LRP2: variants seen among roughly 807,000 people sequenced by gnomAD.
The protein encoded by LRP2 is LDL receptor related protein 2, also known as low-density lipoprotein receptor-related protein 2.
A neutral mutation model predicts 531.0 loss-of-function variants in LRP2; 172 were observed. The ratio of observed to expected loss-of-function variants is 0.32; its 90% CI spans 0.29 to 0.37. LRP2 has a LOEUF of 0.37. LRP2 is among the 10% of genes least tolerant of loss of function. The probability of loss-of-function intolerance (pLI) is 1.00; values close to 1 mark genes in which losing one functional copy is unlikely to be tolerated. For synonymous variants in LRP2, 1,992 were observed against 2,027.6 expected, an observed-to-expected ratio of 0.98 and a Z score of 0.47; for missense variants, 5,167 against 5,868.3, an observed-to-expected ratio of 0.88 and a Z score of 3.90.
At chr2:169,258,064 T>C (rs1247825858) in intron 17 of LRP2, among the ~76,000 whole-genome samples, 4 of 152,154 alleles carry the variant, frequency 2.6e-5, no homozygotes. Flanking sequence ...TAACTCTCTA[T>C]AGGGCAATGA....
In LRP2 at chr2:169,202,839, T is replaced by C. The variant is rs1325176910; in HGVS notation, c.8126A>G (p.Asn2709Ser). 13 of 1,607,392 alleles carry C rather than the reference T, an allele frequency of 8.1e-6. No individual in the cohort carries two copies. The highest frequency in any genetic ancestry group is 2.3e-5 in the East Asian group (1 of 44,172). The change falls in exon 43 of 79, where the codon AAT (asparagine) becomes AGT (serine). Residue 2709 changes from asparagine (N) to serine (S), a missense_variant. Around this residue, in one of 6 missense-constraint regions of LRP2, gnomAD observed 1,129 missense variants for 1,362.7 expected, o/e 0.83. Coordinates refer to ENST00000649046, the MANE Select transcript of LRP2 (RefSeq NM_004525.3). ...RCGASSFTCS[N>S]GRCISEEWKC... The stretch of plus-strand genomic sequence containing the variant: ...CCACTCTTCCGAGATGCAGCGCCCA[T>C]TGGAGCAGGTGAAGGAAGATGCACC...
chr2:169,170,436 C>G, intron 59 of LRP2, 115 bp downstream of exon 59: 1 of 810,734 alleles, frequency 1.2e-6, no homozygotes, highest in South Asian at 1.3e-5. Context: ...CTAAGGTTTA[C>G]ATATTACACA....
intron 3 of LRP2, among the ~76,000 whole-genome samples, chr2:169,315,568 G>GT (rs913420068): frequency 1.3e-5 from 2 of 152,234 alleles, no homozygotes; most frequent in Non-Finnish European, 2.9e-5. Context: ...AAGCACTGCT[G>GT]TGCCCAAGTG....
rs1437978350 is a variant in LRP2, at chr2:169,280,539, G to T, written c.1172-20C>A. ...CGCCAACTAAATGCGAAGAAGGAAG[G>T]CATCACCACTCCTTCAGATGAGCAA... On this transcript the variant is annotated intron_variant, in intron 10 of 78. Coordinates refer to ENST00000649046, the MANE Select transcript of LRP2 (RefSeq NM_004525.3). The T allele has an allele frequency of 6.2e-7, 1 of 1,612,844 alleles. No individual in the cohort carries two copies. The highest frequency in any genetic ancestry group is 1.3e-5 in the African/African-American group (1 of 75,040).
intron 38 of LRP2, among the ~76,000 whole-genome samples, chr2:169,207,923 T>C (rs1240326732): frequency 6.6e-6 from 1 of 152,256 alleles, no homozygotes; most frequent in East Asian, 1.9e-4. Context: ...TGTTGAACTA[T>C]CAATGCTACT....
At chr2:169,302,926 A>G (rs1684321385) in intron 4 of LRP2, among the ~76,000 whole-genome samples, 1 of 152,172 alleles carries the variant, frequency 6.6e-6, no homozygotes, top group South Asian at 2.1e-4. Flanking sequence ...AAACTGACTC[A>G]ATATCTGATT....
intron 64 of LRP2, among the ~76,000 whole-genome samples, 164 bp downstream of exon 64, chr2:169,157,207 T>A (rs916807982): frequency 6.6e-6 from 1 of 151,888 alleles, no homozygotes; most frequent in African/African-American, 2.4e-5. Flanking sequence ...TGCATGCAGG[T>A]GGGGGAAAGC....
At position 169,137,519 on chromosome 2, in the gene LRP2, GAGAGAGAGAGAGAGAAAC is replaced by G. The variant is rs781463940; in HGVS notation, c.13519-44_13519-27del. Reference sequence around the variant, plus strand: ...CTGATGGCAGAGACAGAAAGAGAGAGAGAGAGAGAGAGAGAAACAGAGAGAGAGATTACACCATACTAA... The same window carrying G: ...CTGATGGCAGAGACAGAAAGAGAGAGAGAGAGAGAGATTACACCATACTAA... On this transcript the variant is annotated intron_variant, in intron 75 of 78. Transcript: ENST00000649046. The G allele has an allele frequency of 5.7e-5, 74 of 1,306,432 alleles. No homozygotes were observed. In the African/African-American group the frequency reaches 8.9e-4, roughly 16 times the overall value. 80.9% of individuals were successfully genotyped at this position (1,306,432 alleles called of 1,614,324 possible). A position where few individuals can be genotyped will look rare whatever the true frequency, so the allele number is the denominator to read the frequency against.
intron 27 of LRP2, 98 bp downstream of exon 27, chr2:169,237,993 C>T (rs1574166023): frequency 4.1e-6 from 4 of 983,854 alleles, no homozygotes; most frequent in South Asian, 2.7e-5. Context: ...ATGAGAGCTA[C>T]CCAGATGAGG....
At position 169,177,900 on chromosome 2, in the gene LRP2, C is replaced by T; in HGVS notation, c.10296G>A (p.Lys3432=). The T allele has an allele frequency of 6.2e-7, 1 of 1,614,210 alleles. No homozygotes were observed. Among genetic ancestry groups the T allele is most frequent in the South Asian group, 1.1e-5 (1 of 91,078 alleles). Residue 3432 remains lysine (K), a synonymous_variant, in exon 53 of 79, where the codon AAG becomes AAA. Transcript: ENST00000649046. The part of the protein sequence containing the change: ...WTDWNTRTVE[K]GNKYDGSNRQ... ...TATTTGATCCATCATATTTGTTTCC[C>T]TTTTCCACTGTCCTTGTATTCCAAT...
At chr2:169,156,943 A>C (rs541771882) in intron 64 of LRP2, among the ~76,000 whole-genome samples, 1 of 152,354 alleles carries the variant, frequency 6.6e-6, no homozygotes, top group South Asian at 2.1e-4. Context: ...CATCTTGATA[A>C]GCTACCTTCT....
chr2:169,228,782 G>A (rs990432951), intron 31 of LRP2, among the ~76,000 whole-genome samples: 5 of 152,206 alleles, frequency 3.3e-5, no homozygotes, highest in African/African-American at 1.2e-4. Flanking sequence ...GGCTGAAACT[G>A]TGAGCATCAT....
intron 8 of LRP2, 126 bp from the exon 9 acceptor site, chr2:169,289,271 C>T (rs914646281): frequency 8.0e-7 from 1 of 1,255,858 alleles, no homozygotes; most frequent in Non-Finnish European, 1.1e-6. Flanking sequence ...AAAAATCTGT[C>T]ACCCTTCAAA....
intron 1 of LRP2, among the ~76,000 whole-genome samples, chr2:169,322,454 TGGTTGGTGGTGCAGGTCTGG>T (rs1474613104): frequency 6.6e-6 from 1 of 152,062 alleles, no homozygotes; most frequent in Non-Finnish European, 1.5e-5. Context: ...TGCATGATGG[TGGTTGGTGGTGCAGGTCTGG>T]GGTTGGTGGT....
At chr2:169,299,316 A>G (rs1684230706) in intron 4 of LRP2, among the ~76,000 whole-genome samples, 2 of 152,180 alleles carry the variant, frequency 1.3e-5, no homozygotes, top group African/African-American at 2.4e-5. Flanking sequence ...AAACTAAGTT[A>G]TCTAGTTTTC....
intron 62 of LRP2, among the ~76,000 whole-genome samples, chr2:169,165,210 C>A (rs1686740112): frequency 1.3e-5 from 2 of 152,114 alleles, no homozygotes; most frequent in Non-Finnish European, 2.9e-5. Context: ...CAGATAATGT[C>A]TTTTTGGGGA....
intron 1 of LRP2, among the ~76,000 whole-genome samples, chr2:169,361,771 T>C (rs1229354363): frequency 6.6e-6 from 1 of 152,160 alleles, no homozygotes; most frequent in Non-Finnish European, 1.5e-5. Context: ...CTCCCGGCCT[T>C]ATCTTGGCTC....
rs772588594 is a variant in LRP2, at chr2:169,238,252, C to T, written c.4345G>A (p.Asp1449Asn). Residue 1449 changes from aspartate (D) to asparagine (N), a missense_variant, in exon 27 of 79, where the codon GAC becomes AAC. Asp to Asn is a conservative substitution (Grantham distance 23, BLOSUM62 1). Around this residue, in one of 6 missense-constraint regions of LRP2, gnomAD observed 2,811 missense variants for 3,058.0 expected, o/e 0.92. Coordinates refer to ENST00000649046, the MANE Select transcript of LRP2 (RefSeq NM_004525.3). The stretch of plus-strand genomic sequence containing the variant: ...TTGTGGACCTGGGAGGTGACACTGT[C>T]GGCAATAATTTTGTTCTGACTTGCC... Reference protein sequence around the residue: ...LVASQNKIIADSVTSQVHNIY... With the variant: ...LVASQNKIIANSVTSQVHNIY... The T allele has an allele frequency of 9.3e-6, 15 of 1,613,972 alleles. No individual in the cohort carries two copies. The highest frequency in any genetic ancestry group is 4.0e-5 in the African/African-American group (3 of 74,906).
Position 169,133,693 on chromosome 2 carries a change from C to T in LRP2, c.13621-1012G>A, listed in dbSNP as rs143948655. On this transcript the variant is annotated intron_variant, in intron 76 of 78. Coordinates refer to ENST00000649046, the MANE Select transcript of LRP2 (RefSeq NM_004525.3). ...CGCAGTTGACAAGCAGTAAAAGTGG[C>T]GCTGGGGCTATTGATGCAGACCTTA... Among the ~76,000 whole-genome samples the T allele has an allele frequency of 5.3e-5, 8 of 152,266 alleles. No homozygotes were observed. The South Asian group carries it at 8.3e-4, about 16-fold the overall frequency.
Sources: allele counts gnomAD v4.1 joint callset (sites outside exome capture counted in the v4.1 genomes callset), GRCh38; gene constraint gnomAD v4.1.1; regional missense constraint gnomAD v4.1.1; transcripts MANE v1.5; gene names NCBI Gene and HGNC (gene_info 2026-07-23, HGNC 2026-07-21).